Variants in IFNLR1 observed in about 807,000 individuals in gnomAD.
IFNLR1 encodes CRF2-12.
In IFNLR1, 28 loss-of-function variants were observed where a neutral mutation model predicts 52.5. That is an observed-to-expected ratio of 0.53 (90% confidence interval 0.40 to 0.73). The LOEUF is 0.73. IFNLR1 is among the 30% of genes least tolerant of loss of function. The pLI is 0.00. For synonymous variants in IFNLR1, 276 were observed against 274.9 expected (o/e 1.00, Z -0.04); for missense variants, 623 against 659.1 (o/e 0.95, Z 0.60).
At chr1:24,174,877 A>AAATG (rs1433417525) in intron 2 of IFNLR1, among the ~76,000 whole-genome samples, 2 of 152,176 alleles carry the variant, frequency 1.3e-5, no homozygotes, top group Non-Finnish European at 2.9e-5. Flanking sequence ...GCAAAAAAAA[A>AAATG]AATGAGAAAG....
At position 24,187,185 on chromosome 1, in the gene IFNLR1, C is replaced by A. The variant is rs2148606444; in HGVS notation, c.58+6G>T. The A allele has an allele frequency of 7.3e-7, 1 of 1,362,002 alleles. No individual in the cohort carries two copies. Among genetic ancestry groups the A allele is most frequent in the African/African-American group, 1.5e-5 (1 of 66,202 alleles). The allele number at this position is 1,362,002 out of a possible 1,614,324, so 84.4% of individuals were successfully genotyped here. A position where few individuals can be genotyped will look rare whatever the true frequency, so the allele number is the denominator to read the frequency against. ...CCCCCTCCCTCCCGCGGCCCCGCGC[C>A]CTTACCTGGAGCGGCCTGCAGCAGG... On this transcript the variant is annotated splice_donor_region_variant and intron_variant, in intron 1 of 6. Transcript: ENST00000327535.
intron 1 of IFNLR1, among the ~76,000 whole-genome samples, chr1:24,182,339 C>T (rs1269094769): frequency 1.3e-5 from 2 of 152,194 alleles, no homozygotes; most frequent in Non-Finnish European, 2.9e-5. Context: ...ATCAAAAGCC[C>T]TTGTCCCAAG....
chr1:24,161,048 C>G (rs77419630), intron 4 of IFNLR1, among the ~76,000 whole-genome samples: 2,707 of 152,212 alleles, frequency 0.018, 27 homozygotes, highest in South Asian at 0.038. Context: ...TTACTGGAAC[C>G]CAGCGATGCC....
Position 24,157,703 on chromosome 1 carries a change from A to C in IFNLR1, c.990T>G (p.Asp330Glu), listed in dbSNP as rs1451283853. Reference sequence around the variant, plus strand: ...TGACGCCATCTTCTGTGTCCTCCTCATCCTCCTCCTCTTCGTCCTCTGCAA... The same window carrying C: ...TGACGCCATCTTCTGTGTCCTCCTCCTCCTCCTCCTCTTCGTCCTCTGCAA... ...KDLAEDEEEEDEEDTEDGVSF... is the reference protein window; with the variant it reads ...KDLAEDEEEEEEEDTEDGVSF... The change falls in exon 7 of 7, where the codon GAT becomes GAG. Residue 330 changes from aspartate (D) to glutamate (E), a missense_variant. By Grantham distance (45) the Asp-to-Glu change is conservative. Transcript: ENST00000327535. The surrounding 1 kb of genome is among the most constrained non-coding windows in gnomAD (Gnocchi z 5.1). The C allele has an allele frequency of 6.2e-7, 1 of 1,613,772 alleles. No individual in the cohort carries two copies. The highest frequency in any genetic ancestry group is 8.5e-7 in the Non-Finnish European group (1 of 1,179,938).
chr1:24,178,276 C>T (rs1644655256), intron 2 of IFNLR1, among the ~76,000 whole-genome samples: 1 of 151,420 alleles, frequency 6.6e-6, no homozygotes, highest in African/African-American at 2.4e-5. Context: ...CAGAGTGAAG[C>T]TCTGTCTAAA....
chr1:24,182,842 T>C (rs1016004253), intron 1 of IFNLR1, among the ~76,000 whole-genome samples: 3 of 151,806 alleles, frequency 2.0e-5, no homozygotes, highest in African/African-American at 7.3e-5. Flanking sequence ...ATCGCTTGAA[T>C]CCGGGAGGTG....
intron 3 of IFNLR1, among the ~76,000 whole-genome samples, chr1:24,167,861 AT>A (rs912695534): frequency 8.8e-5 from 13 of 148,278 alleles, no homozygotes; most frequent in Admixed American, 3.4e-4. Flanking sequence ...CGCCCAACTA[AT>A]TTTTTTTTGT....
rs1164902132 is a variant in IFNLR1 at position 24,157,256 on chromosome 1, G to A, written c.1437C>T (p.Ser479=). The A allele has an allele frequency of 1.3e-5, 21 of 1,614,020 alleles. No individual in the cohort carries two copies. The East Asian group carries it at 4.5e-4, about 34-fold the overall frequency. ...CCCTCGCCTCCTCTTCCTCCTCAGG[G>A]CTGCTTTCCCAGCAGAAGGTCAGTG... ...LQTLTFCWES[S]PEEEEEARES... Residue 479 remains serine, a synonymous_variant, in exon 7 of 7, where the codon AGC becomes AGT. Transcript: ENST00000327535. The surrounding 1 kb of genome is among the most constrained non-coding windows in gnomAD (Gnocchi z 5.1).
intron 3 of IFNLR1, among the ~76,000 whole-genome samples, chr1:24,163,530 G>A (rs1394618982): frequency 6.6e-6 from 1 of 151,380 alleles, no homozygotes; most frequent in East Asian, 1.9e-4. Flanking sequence ...GGATCATTCT[G>A]CCTACCATGG....
At chr1:24,160,143 C>T (rs991403750) in intron 4 of IFNLR1, among the ~76,000 whole-genome samples, 8 of 152,170 alleles carry the variant, frequency 5.3e-5, no homozygotes, top group Admixed American at 2.0e-4. Flanking sequence ...GTCGCCCTGG[C>T]GTGCACCCCA....
At position 24,176,726 on chromosome 1, in the gene IFNLR1, A is replaced by G. The variant is rs374388198; in HGVS notation, c.182+4005T>C. On this transcript the variant is annotated intron_variant, in intron 2 of 6. Transcript: ENST00000327535. ...ACCTATTTCATTTAGAGAGCAGAAT[A>G]GTAGATAGATAGACAGATAAAAGGC... Among the ~76,000 whole-genome samples, 17 of 152,350 alleles carry G rather than the reference A, an allele frequency of 1.1e-4. No individual in the cohort carries two copies. The East Asian group carries it at 1.2e-3, about 10-fold the overall frequency.
At position 24,158,923 on chromosome 1, in the gene IFNLR1, C is replaced by T. The variant is rs1644409694; in HGVS notation, c.801+129G>A. ...ATTACTAATGGTGGAAATTCAGACA[C>T]AAAGATAGATGTTTTGGTCCAAGAG... On this transcript the variant is annotated intron_variant, in intron 6 of 6. Transcript: ENST00000327535. 11 of 989,626 alleles carry T rather than the reference C, an allele frequency of 1.1e-5. No individual in the cohort carries two copies. In the South Asian group the frequency reaches 1.8e-4, roughly 16 times the overall value. 61.3% of individuals were successfully genotyped at this position (989,626 alleles called of 1,614,324 possible).
intron 2 of IFNLR1, 38 bp downstream of exon 2, chr1:24,180,693 C>CCCCCT: frequency 7.1e-7 from 1 of 1,409,328 alleles, no homozygotes; most frequent in Non-Finnish European, 9.8e-7. Flanking sequence ...CCCACCCCCT[C>CCCCCT]AGTCTTCCCA....
At chr1:24,167,993 G>A (rs1004742624) in intron 3 of IFNLR1, among the ~76,000 whole-genome samples, 2 of 152,080 alleles carry the variant, frequency 1.3e-5, no homozygotes, top group African/African-American at 4.8e-5. Context: ...CACCGCGCCC[G>A]GCTGGCCTCC....
chr1:24,172,993 C>G (rs1487135830), intron 2 of IFNLR1, among the ~76,000 whole-genome samples: 2 of 152,102 alleles, frequency 1.3e-5, no homozygotes, highest in Non-Finnish European at 1.5e-5. Context: ...ACTTTAATTA[C>G]CTCCTTAAAG....
chr1:24,175,719 G>A (rs1317214146), intron 2 of IFNLR1, among the ~76,000 whole-genome samples: 2 of 152,096 alleles, frequency 1.3e-5, no homozygotes, highest in Non-Finnish European at 2.9e-5. Context: ...GATCACCTGA[G>A]GTCAGGAGTT....
chr1:24,169,417 C>G lies in IFNLR1; in HGVS notation c.367G>C (p.Val123Leu). Reference sequence around the variant, plus strand: ...CTCAGTCCCTTACCCACAGACCTACCTTCAAAAAGGTAATCCAGGTATTCG... The same window carrying G: ...CTCAGTCCCTTACCCACAGACCTACGTTCAAAAAGGTAATCCAGGTATTCG... ...ESEYLDYLFEVEPAPPVLVLT... is the reference protein window; with the variant it reads ...ESEYLDYLFELEPAPPVLVLT... Residue 123 changes from valine (V) to leucine (L), a missense_variant and splice_region_variant, in exon 3 of 7, where the codon GTG becomes CTG. Coordinates refer to ENST00000327535, the MANE Select transcript of IFNLR1 (RefSeq NM_170743.4). 7 of 1,613,372 alleles carry G rather than the reference C, an allele frequency of 4.3e-6. No homozygotes were observed. Among genetic ancestry groups the G allele is most frequent in the Non-Finnish European group, 5.9e-6 (7 of 1,179,518 alleles).
At position 24,159,737 on chromosome 1, in the gene IFNLR1, GTTTT is replaced by G. The variant is rs79165037; in HGVS notation, c.511-108_511-105del. 21 of 459,260 alleles carry G rather than the reference GTTTT, an allele frequency of 4.6e-5. No homozygotes were observed. In the East Asian group the frequency reaches 1.1e-3, roughly 23 times the overall value. 28.4% of individuals were successfully genotyped at this position (459,260 alleles called of 1,614,324 possible). Reference sequence around the variant, plus strand: ...AGACATGGTAGGGTGTTTTTTTTTTGTTTTTTTTTTTTGTTTTTTTGTAGGGGAT... The same window carrying G: ...AGACATGGTAGGGTGTTTTTTTTTTGTTTTTTTTGTTTTTTTGTAGGGGAT... On this transcript the variant is annotated intron_variant, in intron 4 of 6. Coordinates refer to ENST00000327535, the MANE Select transcript of IFNLR1 (RefSeq NM_170743.4).
In IFNLR1 at chr1:24,156,357, G is replaced by T. The variant is rs147725396; in HGVS notation, c.*773C>A. ...GATGGAGAATTCTACCGGCCACCAC[G>T]TAGAGAGCACCCAGGACACAGCAGG... is the stretch of plus-strand genomic sequence containing the variant. On this transcript the variant is annotated 3_prime_UTR_variant, in exon 7 of 7. Coordinates refer to ENST00000327535, the MANE Select transcript of IFNLR1 (RefSeq NM_170743.4). The T allele has an allele frequency of 0.011, 1,670 of 152,496 alleles. 18 individuals carry two copies. Among genetic ancestry groups the T allele is most frequent in the South Asian group, 0.021 (99 of 4,826 alleles). The allele number at this position is 152,496 out of a possible 1,614,324, so 9.4% of individuals were successfully genotyped here. A position where few individuals can be genotyped will look rare whatever the true frequency, so the allele number is the denominator to read the frequency against.
Sources: gnomAD v4.1 joint callset for allele counts (sites outside exome capture counted in the v4.1 genomes callset) on GRCh38, gnomAD v4.1.1 for gene constraint, Gnocchi (gnomAD v3.1) non-coding constraint, MANE v1.5 for transcripts, NCBI Gene and HGNC (gene_info 2026-07-23, HGNC 2026-07-21) for gene names.